Variants in CADPS observed in about 807,000 individuals in gnomAD.
CADPS encodes the protein calcium dependent secretion activator.
Under a neutral mutation model 167.3 loss-of-function variants are expected in CADPS, and 57 were observed. That is an observed-to-expected ratio of 0.34 (90% CI 0.28 to 0.42). The LOEUF (loss-of-function observed/expected upper bound fraction) is 0.42. CADPS is among the 20% of genes least tolerant of loss of function. The pLI is 1.00. For synonymous variants in CADPS, 676 were observed against 635.3 expected (o/e 1.06, Z -0.96); for missense variants, 1,414 against 1,738.1 (o/e 0.81, Z 3.32).
chr3:62,558,669 G>A (rs748840835), intron 9 of CADPS, among the ~76,000 whole-genome samples: 3 of 152,152 alleles, frequency 2.0e-5, no homozygotes, highest in Non-Finnish European at 4.4e-5. Context: ...CGCACTGTCC[G>A]AGGCTTGAGG....
intron 10 of CADPS, among the ~76,000 whole-genome samples, chr3:62,550,426 C>G (rs1425342484): frequency 3.9e-5 from 6 of 152,022 alleles, no homozygotes; most frequent in South Asian, 4.2e-4. Context: ...TAAACACAAA[C>G]AAAACAACAA....
intron 28 of CADPS, among the ~76,000 whole-genome samples, chr3:62,406,443 GCTCC>G (rs1708523675): frequency 6.6e-6 from 1 of 152,126 alleles, no homozygotes; most frequent in Admixed American, 6.5e-5. Context: ...TATTTTAAGT[GCTCC>G]CTATTTTGTT....
intron 3 of CADPS, among the ~76,000 whole-genome samples, chr3:62,696,228 T>C (rs2080249294): frequency 6.6e-6 from 1 of 152,042 alleles, no homozygotes; most frequent in Non-Finnish European, 1.5e-5. Context: ...CCTTGCTGGG[T>C]TCTGCCAATT....
intron 1 of CADPS, among the ~76,000 whole-genome samples, chr3:62,797,771 A>T (rs2093525347): frequency 6.6e-6 from 1 of 152,122 alleles, no homozygotes; most frequent in East Asian, 1.9e-4. Flanking sequence ...CCAGGACACA[A>T]GCTTACCTAT....
At chr3:62,567,595 T>C (rs990970459) in intron 9 of CADPS, among the ~76,000 whole-genome samples, 2 of 130,648 alleles carry the variant, frequency 1.5e-5, no homozygotes, top group Admixed American at 7.8e-5. Flanking sequence ...TTTTTTTTTT[T>C]TTAGAGTCTC....
chr3:62,574,306 G>T (rs375942681), intron 8 of CADPS, among the ~76,000 whole-genome samples: 17 of 151,122 alleles, frequency 1.1e-4, no homozygotes, highest in African/African-American at 4.2e-4. Flanking sequence ...TGCAGGAGGG[G>T]TGACACCATC....
intron 11 of CADPS, among the ~76,000 whole-genome samples, chr3:62,543,987 A>T (rs1170211498): frequency 6.6e-6 from 1 of 152,122 alleles, no homozygotes; most frequent in African/African-American, 2.4e-5. Context: ...AATGATGTCA[A>T]AAAAGTTATT....
intron 10 of CADPS, among the ~76,000 whole-genome samples, chr3:62,556,443 C>T (rs918847705): frequency 2.4e-4 from 37 of 152,184 alleles, no homozygotes; most frequent in African/African-American, 8.4e-4. Flanking sequence ...TTCTCTCAAA[C>T]TCTGTTTTTC....
chr3:62,690,336 T>C (rs189782030), intron 3 of CADPS, among the ~76,000 whole-genome samples: 7 of 152,172 alleles, frequency 4.6e-5, no homozygotes, highest in African/African-American at 1.7e-4. Context: ...TGCATGGTCA[T>C]ATTGTTTTGT....
intron 6 of CADPS, among the ~76,000 whole-genome samples, chr3:62,616,207 GAT>G (rs2149386189): frequency 6.6e-6 from 1 of 152,216 alleles, no homozygotes; most frequent in East Asian, 1.9e-4. Flanking sequence ...TTTCCATTCT[GAT>G]TGCTTGTAAA....
At chr3:62,535,058 A>G (rs1203318276) in intron 12 of CADPS, among the ~76,000 whole-genome samples, 1 of 152,114 alleles carries the variant, frequency 6.6e-6, no homozygotes, top group Non-Finnish European at 1.5e-5. Context: ...ATACCTCAAA[A>G]AAATTCCTTA....
chr3:62,864,671 A>G (rs189375146), intron 1 of CADPS, among the ~76,000 whole-genome samples: 94 of 152,254 alleles, frequency 6.2e-4, no homozygotes, highest in Middle Eastern at 3.4e-3. Context: ...GTCATAATGG[A>G]TTATAGCCCA....
chr3:62,836,341 A>G (rs1210128556), intron 1 of CADPS, among the ~76,000 whole-genome samples: 1 of 152,202 alleles, frequency 6.6e-6, no homozygotes, highest in Non-Finnish European at 1.5e-5. Flanking sequence ...TAAGCCAGAA[A>G]AAGAGGCAAC....
At chr3:62,745,884 T>C (rs2081343383) in intron 3 of CADPS, among the ~76,000 whole-genome samples, 1 of 152,184 alleles carries the variant, frequency 6.6e-6, no homozygotes, top group Non-Finnish European at 1.5e-5. Flanking sequence ...CACTCTTTGC[T>C]CAATGAAATC....
chr3:62,604,967 G>T (rs967998714), intron 6 of CADPS, among the ~76,000 whole-genome samples: 1 of 152,208 alleles, frequency 6.6e-6, no homozygotes, highest in African/African-American at 2.4e-5. Flanking sequence ...AACACTGGGT[G>T]TTTCCCTATA....
intron 1 of CADPS, among the ~76,000 whole-genome samples, chr3:62,826,418 T>C (rs1056092793): frequency 2.0e-5 from 3 of 152,146 alleles, no homozygotes; most frequent in Non-Finnish European, 4.4e-5. Flanking sequence ...ATGCAACATG[T>C]TATTGTTGGG....
intron 3 of CADPS, among the ~76,000 whole-genome samples, chr3:62,698,623 G>A (rs11709333): frequency 1.4e-4 from 18 of 131,824 alleles, no homozygotes; most frequent in African/African-American, 5.0e-4. Flanking sequence ...TCTTATTCTT[G>A]TTCTTGTTCT....
chr3:62,523,099 G>A (rs551606475), intron 13 of CADPS, among the ~76,000 whole-genome samples: 1 of 152,242 alleles, frequency 6.6e-6, no homozygotes, highest in African/African-American at 2.4e-5. Context: ...TTGTCACAGT[G>A]GTTAGCACCA....
intron 7 of CADPS, among the ~76,000 whole-genome samples, chr3:62,590,857 A>T (rs1334399307): frequency 6.6e-6 from 1 of 151,680 alleles, no homozygotes; most frequent in Non-Finnish European, 1.5e-5. Context: ...TATTTATTTT[A>T]TTATTATTAT....
Sources: allele counts gnomAD v4.1 joint callset (sites outside exome capture counted in the v4.1 genomes callset), GRCh38; gene constraint gnomAD v4.1.1; transcripts MANE v1.5; gene names NCBI Gene and HGNC (gene_info 2026-07-23, HGNC 2026-07-21).